Variants in C10orf67 observed in about 807,000 individuals in gnomAD.
C10orf67 encodes chromosome 10 open reading frame 67.
In C10orf67, 60 loss-of-function variants were observed where a neutral mutation model predicts 35.6. The observed-to-expected ratio is 1.68, with a 90% CI of 1.37 to 2.09. The LOEUF (loss-of-function observed/expected upper bound fraction) is 2.09, where lower values mean the gene tolerates loss of function less well. Among genes scored for constraint, C10orf67 ranks in the 30% most tolerant of loss-of-function variants. The pLI is 0.00. For missense variants in C10orf67, 474 were observed against 330.2 expected, an observed-to-expected ratio of 1.44 and a Z score of -3.38; for synonymous variants, 167 against 115.8, an observed-to-expected ratio of 1.44 and a Z score of -2.84.
chr10:23,233,354 A>G (rs2132125554), intron 13 of C10orf67, among the ~76,000 whole-genome samples: 1 of 152,344 alleles, frequency 6.6e-6, no homozygotes, highest in South Asian at 2.1e-4. Context: ...AGCAACAAAC[A>G]AAAATTAAAC....
chr10:23,290,380 A>G (rs1346318784), intron 6 of C10orf67, among the ~76,000 whole-genome samples: 2 of 152,234 alleles, frequency 1.3e-5, no homozygotes, highest in African/African-American at 2.4e-5. Flanking sequence ...AAGGGATAAT[A>G]TTAATATAAT....
chr10:23,334,999 G>A (rs914337690), intron 1 of C10orf67, among the ~76,000 whole-genome samples: 6 of 152,082 alleles, frequency 3.9e-5, no homozygotes, highest in Non-Finnish European at 8.8e-5. Flanking sequence ...GATCAGCCTG[G>A]CCAATATGGC....
At chr10:23,332,019 T>G (rs1845505630) in intron 2 of C10orf67, among the ~76,000 whole-genome samples, 2 of 152,206 alleles carry the variant, frequency 1.3e-5, no homozygotes, top group Admixed American at 1.3e-4. Flanking sequence ...AATTTGGCAA[T>G]ATCCTTCAAA....
intron 4 of C10orf67, among the ~76,000 whole-genome samples, chr10:23,312,093 A>C (rs1270908129): frequency 6.6e-6 from 1 of 152,222 alleles, no homozygotes; most frequent in African/African-American, 2.4e-5. Context: ...TAAGTATTAT[A>C]CTTACTAATT....
chr10:23,316,915 G>C (rs1844736120), intron 4 of C10orf67: 1 of 152,282 alleles, frequency 6.6e-6, no homozygotes, highest in African/African-American at 2.4e-5. Context: ...AGGTGGGCCT[G>C]AAAAAAGCAC....
intron 2 of C10orf67, among the ~76,000 whole-genome samples, chr10:23,326,183 T>C (rs1845186843): frequency 6.6e-6 from 1 of 152,158 alleles, no homozygotes; most frequent in Non-Finnish European, 1.5e-5. Context: ...TTGTAGATGC[T>C]TAATTTATTT....
chr10:23,257,056 T>C (rs915076466), intron 10 of C10orf67, among the ~76,000 whole-genome samples: 1 of 152,086 alleles, frequency 6.6e-6, no homozygotes. Context: ...ATTATGTCAA[T>C]GGGAAAAACA....
At chr10:23,303,518 T>A (rs373686940) in intron 4 of C10orf67, 59 bp from the exon 5 acceptor site, 13 of 430,778 alleles carry the variant, frequency 3.0e-5, no homozygotes, top group African/African-American at 1.8e-4. Flanking sequence ...AATTAGGCAC[T>A]TACACTAAAT....
At chr10:23,239,631 G>C in intron 13 of C10orf67, 98 bp downstream of exon 13, 2 of 548,196 alleles carry the variant, frequency 3.6e-6, no homozygotes, top group Non-Finnish European at 7.1e-6. Context: ...TCTAGAGCCT[G>C]TAATGACAGG....
chr10:23,223,717 T>C (rs1464113769), intron 14 of C10orf67, 27 bp downstream of exon 14: 2 of 716,564 alleles, frequency 2.8e-6, no homozygotes, highest in Admixed American at 2.0e-5. Flanking sequence ...TCAGTAAATA[T>C]TTAATAAAGA....
intron 15 of C10orf67, among the ~76,000 whole-genome samples, chr10:23,217,565 A>G (rs1199520618): frequency 6.6e-6 from 1 of 152,186 alleles, no homozygotes; most frequent in Non-Finnish European, 1.5e-5. Context: ...TGAACACAAT[A>G]TCAGTCTGCA....
chr10:23,219,279 G>A (rs1157660892), intron 15 of C10orf67, among the ~76,000 whole-genome samples: 2 of 152,162 alleles, frequency 1.3e-5, no homozygotes, highest in African/African-American at 4.8e-5. Context: ...TGATGTTTGA[G>A]CTTTCTCTTC....
chr10:23,230,341 C>A (rs1274992819), intron 13 of C10orf67, among the ~76,000 whole-genome samples: 5 of 151,682 alleles, frequency 3.3e-5, no homozygotes, highest in Non-Finnish European at 5.9e-5. Flanking sequence ...ATATGAAAAG[C>A]AAAACAAGCC....
chr10:23,238,272 A>G (rs1194231733), intron 13 of C10orf67, among the ~76,000 whole-genome samples: 1 of 152,244 alleles, frequency 6.6e-6, no homozygotes, highest in Non-Finnish European at 1.5e-5. Context: ...AAACTCACAC[A>G]TTCACTTGCT....
chr10:23,332,437 C>G (rs1402745054), intron 2 of C10orf67, among the ~76,000 whole-genome samples: 1 of 152,160 alleles, frequency 6.6e-6, no homozygotes, highest in Non-Finnish European at 1.5e-5. Context: ...AATCTCAGTA[C>G]TTTGGGAGGC....
intron 4 of C10orf67, among the ~76,000 whole-genome samples, chr10:23,307,047 G>A (rs1415340251): frequency 2.6e-5 from 4 of 152,156 alleles, no homozygotes; most frequent in African/African-American, 9.7e-5. Flanking sequence ...AGACTGGAAT[G>A]GAGATGTTGA....
At chr10:23,325,033 A>T (rs1311142416) in intron 2 of C10orf67, among the ~76,000 whole-genome samples, 1 of 152,124 alleles carries the variant, frequency 6.6e-6, no homozygotes, top group Non-Finnish European at 1.5e-5. Flanking sequence ...GAACTCTAAA[A>T]TCACTGTAAA....
intron 1 of C10orf67, among the ~76,000 whole-genome samples, chr10:23,335,532 A>G (rs186609676): frequency 4.0e-4 from 61 of 152,342 alleles, no homozygotes; most frequent in African/African-American, 1.4e-3. Flanking sequence ...GTTACTCATT[A>G]TTAGTACTGC....
chr10:23,286,585 G>T, intron 7 of C10orf67, among the ~76,000 whole-genome samples: 1 of 128,816 alleles, frequency 7.8e-6, no homozygotes, highest in Non-Finnish European at 1.7e-5. Context: ...TGGGAAGGAG[G>T]GAAGGAGGGA....
Sources: gnomAD v4.1 joint callset for allele counts (sites outside exome capture counted in the v4.1 genomes callset) on GRCh38, gnomAD v4.1.1 for gene constraint, MANE v1.5 for transcripts, NCBI Gene and HGNC (gene_info 2026-07-23, HGNC 2026-07-21) for gene names.